Variants in NRG1 observed in about 807,000 individuals in gnomAD.
NRG1 encodes the protein neuregulin 1.
A neutral mutation model predicts 63.8 loss-of-function variants in NRG1; 18 were observed. That is an observed-to-expected ratio of 0.28 (90% CI 0.19 to 0.42). The LOEUF (loss-of-function observed/expected upper bound fraction) is 0.42, where lower values mean the gene tolerates loss of function less well. NRG1 is among the 10% of genes least tolerant of loss of function. NRG1 has a pLI of 1.00. For synonymous variants in NRG1, 302 were observed against 301.3 expected, an observed-to-expected ratio of 1.00 and a Z score of -0.02; for missense variants, 762 against 814.7, an observed-to-expected ratio of 0.94 and a Z score of 0.79.
At chr8:31,865,608 A>G (rs1294139573) in intron 1 of NRG1, among the ~76,000 whole-genome samples, 2 of 151,960 alleles carry the variant, frequency 1.3e-5, no homozygotes, top group Non-Finnish European at 2.9e-5. Context: ...ATGGTTTTTT[A>G]TAACAGGGTT....
chr8:31,656,882 T>C (rs1186112733), intron 1 of NRG1, among the ~76,000 whole-genome samples: 1 of 152,220 alleles, frequency 6.6e-6, no homozygotes, highest in Non-Finnish European at 1.5e-5. Context: ...AAGTGACATC[T>C]ATCAATCTAA....
intron 1 of NRG1, among the ~76,000 whole-genome samples, chr8:31,959,711 T>A (rs1012678784): frequency 5.3e-5 from 8 of 152,164 alleles, no homozygotes; most frequent in East Asian, 3.9e-4. Flanking sequence ...ACATTTTTTT[T>A]AATATTTACA....
chr8:31,903,047 A>G (rs558166925), intron 1 of NRG1, among the ~76,000 whole-genome samples: 1 of 152,236 alleles, frequency 6.6e-6, no homozygotes, highest in South Asian at 2.1e-4. Context: ...TCACATGGAA[A>G]GGCCCACAGA....
At chr8:32,763,908 C>T (rs1275028358) in exon 12 of NRG1, 3 of 1,613,912 alleles carry the variant, frequency 1.9e-6, no homozygotes, top group Non-Finnish European at 2.5e-6. Context: ...AGAAGAGAGA[C>T]CTCTACTTCT....
intron 1 of NRG1, among the ~76,000 whole-genome samples, chr8:32,289,573 G>A (rs553974797): frequency 1.3e-5 from 2 of 152,218 alleles, no homozygotes; most frequent in African/African-American, 4.8e-5. Flanking sequence ...TGTAAGTCAA[G>A]CAAATTTTAA....
chr8:32,611,570 T>C (rs1432809757), intron 3 of NRG1, among the ~76,000 whole-genome samples: 2 of 152,114 alleles, frequency 1.3e-5, no homozygotes, highest in Non-Finnish European at 1.5e-5. Context: ...CTGTCTACAC[T>C]GTTTATTAAT....
At chr8:32,711,190 C>A (rs1449070510) in intron 5 of NRG1, among the ~76,000 whole-genome samples, 1 of 150,374 alleles carries the variant, frequency 6.7e-6, no homozygotes, top group African/African-American at 2.4e-5. Context: ...ATTTTGAGAA[C>A]AAAGGCATGC....
At chr8:31,898,262 A>G (rs1831763763) in intron 1 of NRG1, among the ~76,000 whole-genome samples, 1 of 152,152 alleles carries the variant, frequency 6.6e-6, no homozygotes, top group East Asian at 1.9e-4. Flanking sequence ...GGCTCAGTCT[A>G]AATCTCTTCA....
At chr8:32,178,529 G>A (rs942851046) in intron 1 of NRG1, among the ~76,000 whole-genome samples, 5 of 152,310 alleles carry the variant, frequency 3.3e-5, no homozygotes, top group Admixed American at 1.3e-4. Context: ...AGAATCACTT[G>A]AACCCTGGAG....
chr8:32,563,495 T>A (rs1249047422), intron 1 of NRG1, among the ~76,000 whole-genome samples: 3 of 152,214 alleles, frequency 2.0e-5, no homozygotes, highest in African/African-American at 7.2e-5. Context: ...AGAAGCCTTT[T>A]ATTAAATTCT....
intron 1 of NRG1, among the ~76,000 whole-genome samples, chr8:31,646,211 C>T (rs1323027744): frequency 6.6e-6 from 1 of 152,226 alleles, no homozygotes; most frequent in Admixed American, 6.5e-5. Flanking sequence ...AAGGCTCTGT[C>T]TTTGGACATC....
At chr8:32,113,956 T>C (rs1446135000) in intron 1 of NRG1, among the ~76,000 whole-genome samples, 6 of 152,192 alleles carry the variant, frequency 3.9e-5, no homozygotes, top group African/African-American at 1.4e-4. Context: ...TAATTAGCAC[T>C]CAATAAATTG....
At chr8:32,767,399 G>T (rs1831509729) in exon 12 of NRG1, 1 of 152,142 alleles carries the variant, frequency 6.6e-6, no homozygotes, top group Non-Finnish European at 1.5e-5. Flanking sequence ...TAATAATACT[G>T]GCTGCATTCC....
chr8:31,771,469 G>C (rs1273364527), intron 1 of NRG1, among the ~76,000 whole-genome samples: 2 of 152,088 alleles, frequency 1.3e-5, no homozygotes, highest in Non-Finnish European at 2.9e-5. Flanking sequence ...ATCTGAAAGT[G>C]TATCTGTATC....
At chr8:32,526,984 T>C (rs1044532376) in intron 1 of NRG1, among the ~76,000 whole-genome samples, 8 of 152,212 alleles carry the variant, frequency 5.3e-5, no homozygotes, top group Non-Finnish European at 8.8e-5. Context: ...TATATATTGA[T>C]GACTCTTACA....
chr8:32,639,038 A>G (rs1286482946), intron 5 of NRG1, among the ~76,000 whole-genome samples: 6 of 151,824 alleles, frequency 4.0e-5, no homozygotes, highest in Non-Finnish European at 7.4e-5. Flanking sequence ...CAACAAGGAG[A>G]AAAAAAATGT....
intron 1 of NRG1, among the ~76,000 whole-genome samples, chr8:32,479,773 C>T (rs1825007521): frequency 6.6e-6 from 1 of 152,050 alleles, no homozygotes; most frequent in Admixed American, 6.6e-5. Context: ...CCTCAGCCTC[C>T]CGAGTAGCTG....
At chr8:31,834,309 A>G (rs117283356) in intron 1 of NRG1, among the ~76,000 whole-genome samples, 26 of 87,490 alleles carry the variant, frequency 3.0e-4, no homozygotes, top group East Asian at 4.6e-4. Flanking sequence ...GCACGCGCGC[A>G]CACACACACA....
chr8:31,946,023 T>G (rs777321291), intron 1 of NRG1, among the ~76,000 whole-genome samples: 5 of 152,216 alleles, frequency 3.3e-5, no homozygotes, highest in Non-Finnish European at 7.3e-5. Context: ...CGATCGCCAT[T>G]GTTTTATTTT....
Sources: gnomAD v4.1 joint callset for allele counts (sites outside exome capture counted in the v4.1 genomes callset) on GRCh38, gnomAD v4.1.1 for gene constraint, MANE v1.5 for transcripts, NCBI Gene and HGNC (gene_info 2026-07-23, HGNC 2026-07-21) for gene names.